The following TIAM1 variants were observed in gnomAD, a reference collection of about 807,000 sequenced individuals.
TIAM1 encodes the protein rho guanine nucleotide exchange factor TIAM1.
A neutral mutation model predicts 163.5 loss-of-function variants in TIAM1; 65 were observed. That is an observed-to-expected ratio of 0.40 (90% confidence interval 0.33 to 0.49). The LOEUF is 0.49. TIAM1 is among the 20% of genes least tolerant of loss of function. TIAM1 has a pLI of 0.77. For synonymous variants in TIAM1, 833 were observed against 810.1 expected, an observed-to-expected ratio of 1.03 and a Z score of -0.48; for missense variants, 1,789 against 2,044.7, an observed-to-expected ratio of 0.87 and a Z score of 2.41.
At chr21:31,453,406 T>C (rs539211683) in intron 2 of TIAM1, among the ~76,000 whole-genome samples, 3 of 152,092 alleles carry the variant, frequency 2.0e-5, no homozygotes, top group Non-Finnish European at 2.9e-5. Context: ...CTGACAGCCA[T>C]TAAGAAACCA....
intron 1 of TIAM1, among the ~76,000 whole-genome samples, chr21:31,340,932 T>A (rs761542992): frequency 2.0e-5 from 3 of 150,120 alleles, no homozygotes; most frequent in Non-Finnish European, 4.4e-5. Flanking sequence ...GGTAAGATAA[T>A]CAACTAGGAA....
chr21:31,196,545 T>C (rs1203772894), intron 12 of TIAM1, among the ~76,000 whole-genome samples: 1 of 150,404 alleles, frequency 6.6e-6, no homozygotes, highest in Non-Finnish European at 1.5e-5. Flanking sequence ...GGTCTCAAAC[T>C]CTGACCTCAA....
chr21:31,465,907 C>T (rs1159455918), intron 1 of TIAM1, among the ~76,000 whole-genome samples: 2 of 152,066 alleles, frequency 1.3e-5, no homozygotes, highest in Admixed American at 6.6e-5. Flanking sequence ...GGGGTTTCAC[C>T]GTGTTGGCCT....
chr21:31,428,258 C>CA (rs200461440), intron 2 of TIAM1, among the ~76,000 whole-genome samples: 201 of 151,392 alleles, frequency 1.3e-3, no homozygotes, highest in African/African-American at 4.7e-3. Flanking sequence ...CCCATCTCAA[C>CA]AAAAAAAAGA....
chr21:31,163,260 C>T (rs2084019071), intron 16 of TIAM1, among the ~76,000 whole-genome samples: 1 of 151,902 alleles, frequency 6.6e-6, no homozygotes, highest in East Asian at 1.9e-4. Context: ...TAATAGATAC[C>T]CTTCAAATTG....
chr21:31,476,270 C>T (rs1414332006), intron 1 of TIAM1, among the ~76,000 whole-genome samples: 2 of 152,196 alleles, frequency 1.3e-5, no homozygotes, highest in Non-Finnish European at 2.9e-5. Flanking sequence ...ATAAAAATGT[C>T]TCCTAGCTTT....
intron 2 of TIAM1, among the ~76,000 whole-genome samples, chr21:31,356,193 AT>A (rs1288204084): frequency 6.6e-6 from 1 of 152,236 alleles, no homozygotes; most frequent in African/African-American, 2.4e-5. Flanking sequence ...ATAAGGAACA[AT>A]AGGAGAAATA....
rs2072804583 is a variant in TIAM1 at position 31,266,877 on chromosome 21, G to T, written c.96C>A (p.Leu32=). The part of the protein sequence containing the change: ...GRKHTSRSLR[L]SHKTRRTRHA... ...GCCTGGTCCTCCGCGTCTTGTGCGA[G>T]AGGCGCAGGGAGCGGGAAGTGTGCT... Residue 32 remains leucine, a synonymous_variant, in exon 4 of 28, where the codon CTC becomes CTA. Coordinates refer to ENST00000541036, the MANE Select transcript of TIAM1 (RefSeq NM_001353694.2). 6.2e-7 allele frequency: 1 copy of T among 1,614,016 alleles called. No homozygotes were observed. Among genetic ancestry groups the T allele is most frequent in the African/African-American group, 1.3e-5 (1 of 74,936 alleles).
intron 1 of TIAM1, among the ~76,000 whole-genome samples, chr21:31,527,087 C>T (rs558165379): frequency 3.9e-5 from 6 of 152,220 alleles, no homozygotes; most frequent in Admixed American, 1.3e-4. Context: ...GAACAGACAC[C>T]GGAGAAACTG....
chr21:31,181,623 C>T (rs566224255), intron 15 of TIAM1, among the ~76,000 whole-genome samples: 9 of 152,000 alleles, frequency 5.9e-5, no homozygotes, highest in Non-Finnish European at 7.4e-5. Flanking sequence ...TCTCAGCTCA[C>T]GTCCTTCTCT....
intron 10 of TIAM1, among the ~76,000 whole-genome samples, chr21:31,211,272 G>C (rs1196065157): frequency 1.3e-5 from 2 of 152,142 alleles, no homozygotes; most frequent in African/African-American, 4.8e-5. Context: ...ATGAAGCAGA[G>C]GATGTTCCTT....
chr21:31,242,820 C>T lies in TIAM1; in HGVS notation c.1584+2668G>A, dbSNP rs538175542. Among the ~76,000 whole-genome samples the T allele has an allele frequency of 2.9e-5, 4 of 137,156 alleles. No homozygotes were observed. In the South Asian group the frequency reaches 9.1e-4, roughly 31 times the overall value. The allele number at this position is 137,156 out of a possible 152,430, so 90.0% of individuals were successfully genotyped here. On this transcript the variant is annotated intron_variant, in intron 6 of 27. Coordinates refer to ENST00000541036, the MANE Select transcript of TIAM1 (RefSeq NM_001353694.2). ...AAAGTCAGATCCAAAATCAGTGCAC[C>T]ACTGCACTGCAGCCTGGGGGACAGA...
intron 2 of TIAM1, among the ~76,000 whole-genome samples, chr21:31,459,569 T>C (rs1169683908): frequency 6.6e-6 from 1 of 152,310 alleles, no homozygotes; most frequent in African/African-American, 2.4e-5. Flanking sequence ...TAATTATTAG[T>C]GGTCTCTTTC....
chr21:31,381,261 G>A (rs1013521578), intron 2 of TIAM1, among the ~76,000 whole-genome samples: 2 of 152,112 alleles, frequency 1.3e-5, no homozygotes, highest in African/African-American at 4.8e-5. Flanking sequence ...GGGCCTTTGC[G>A]GGGTGATTAG....
At chr21:31,536,608 T>C (rs917448847) in intron 1 of TIAM1, among the ~76,000 whole-genome samples, 1 of 152,162 alleles carries the variant, frequency 6.6e-6, no homozygotes, top group Admixed American at 6.5e-5. Context: ...TAAAAACCTA[T>C]AGTCACCCCA....
At position 31,120,499 on chromosome 21, in the gene TIAM1, G is replaced by A. The variant is rs571317713; in HGVS notation, c.4645C>T (p.Arg1549Cys). Reference sequence around the variant, plus strand: ...GCTTGCTTCTTGAGCTGTGCCATGCGGGACGCGTGACTATCCAGGGTTTTC... The same window carrying A: ...GCTTGCTTCTTGAGCTGTGCCATGCAGGACGCGTGACTATCCAGGGTTTTC... ...GRKTLDSHAS[R>C]MAQLKKQAAL... The change falls in exon 28 of 28, where the codon CGC (arginine) becomes TGC (cysteine). Residue 1549 changes from arginine to cysteine, a missense_variant. This residue lies in a region of TIAM1 where 415 missense variants were observed against 439.2 expected (regional missense o/e 0.94). Transcript: ENST00000541036. The surrounding 1 kb of genome is among the most constrained non-coding windows in gnomAD (Gnocchi z 4.2). The A allele has an allele frequency of 4.6e-5, 74 of 1,614,216 alleles. No homozygotes were observed. Among genetic ancestry groups the A allele is most frequent in the Admixed American group, 8.3e-5 (5 of 60,024 alleles).
At chr21:31,198,391 A>G (rs2085997591) in intron 12 of TIAM1, among the ~76,000 whole-genome samples, 1 of 152,184 alleles carries the variant, frequency 6.6e-6, no homozygotes, top group Non-Finnish European at 1.5e-5. Flanking sequence ...AATTTAATGC[A>G]ATTTCCACCA....
chr21:31,511,238 C>A (rs1254819479), intron 1 of TIAM1, among the ~76,000 whole-genome samples: 1 of 152,168 alleles, frequency 6.6e-6, no homozygotes, highest in African/African-American at 2.4e-5. Context: ...GACACTCAGC[C>A]CTAGGAAACC....
intron 2 of TIAM1, among the ~76,000 whole-genome samples, chr21:31,357,935 C>T (rs1363394168): frequency 6.6e-6 from 1 of 152,186 alleles, no homozygotes; most frequent in African/African-American, 2.4e-5. Flanking sequence ...TCCTCTTCTC[C>T]CTGACCTCTT....
Sources: gnomAD v4.1 joint callset for allele counts (sites outside exome capture counted in the v4.1 genomes callset) on GRCh38, gnomAD v4.1.1 for gene constraint, gnomAD v4.1.1 regional missense constraint, Gnocchi (gnomAD v3.1) non-coding constraint, MANE v1.5 for transcripts, NCBI Gene and HGNC (gene_info 2026-07-23, HGNC 2026-07-21) for gene names.